The following VPS41 variants were observed in gnomAD, a reference collection of about 807,000 sequenced individuals.
The protein encoded by VPS41 is vacuolar protein sorting-associated protein 41 homolog.
In VPS41, 85 loss-of-function variants were observed where a neutral mutation model predicts 130.9. That is an observed-to-expected ratio of 0.65 (90% CI 0.55 to 0.78). The LOEUF is 0.78. VPS41 is among the 30% of genes least tolerant of loss of function. VPS41 has a pLI of 0.00. For missense variants in VPS41, 874 were observed against 1,018.7 expected, an observed-to-expected ratio of 0.86 and a Z score of 1.93; for synonymous variants, 335 against 332.9, an observed-to-expected ratio of 1.01 and a Z score of -0.07.
intron 14 of VPS41, among the ~76,000 whole-genome samples, chr7:38,770,543 C>T (rs1350893600): frequency 2.6e-5 from 4 of 151,690 alleles, no homozygotes; most frequent in Admixed American, 6.6e-5. Context: ...GAGAAGTTTA[C>T]GGTAGGGAAA....
At chr7:38,737,151 G>A (rs934895231) in intron 25 of VPS41, among the ~76,000 whole-genome samples, 10 of 152,092 alleles carry the variant, frequency 6.6e-5, no homozygotes, top group African/African-American at 1.4e-4. Flanking sequence ...CGAGGCAGGC[G>A]GATCATGAGG....
At chr7:38,771,657 C>T (rs531512652) in intron 13 of VPS41, among the ~76,000 whole-genome samples, 26 of 152,216 alleles carry the variant, frequency 1.7e-4, no homozygotes, top group African/African-American at 5.8e-4. Flanking sequence ...GGAGCATTTT[C>T]CCTTATGTTT....
intron 14 of VPS41, among the ~76,000 whole-genome samples, chr7:38,770,414 C>T (rs1378593633): frequency 2.0e-5 from 3 of 151,242 alleles, no homozygotes; most frequent in African/African-American, 7.4e-5. Flanking sequence ...TTATTCTCCA[C>T]AATTTTGGCT....
chr7:38,813,384 T>A (rs1784981310), intron 7 of VPS41, among the ~76,000 whole-genome samples: 1 of 151,832 alleles, frequency 6.6e-6, no homozygotes, highest in South Asian at 2.1e-4. Flanking sequence ...AGATGGGGAG[T>A]GACTGCTAAT....
intron 4 of VPS41, among the ~76,000 whole-genome samples, chr7:38,860,437 T>A (rs1310490683): frequency 6.6e-6 from 1 of 152,024 alleles, no homozygotes; most frequent in East Asian, 1.9e-4. Context: ...TCTTCTGTGC[T>A]CCCTCCCAGG....
rs1038745310 is a variant in VPS41 at position 38,873,509 on chromosome 7, A to G, written c.61-4256T>C. ...CCACGGTAAACAACCCAGTGTTAAT[A>G]AAAAGCAAATCAATAATTTTTGTTA... On this transcript the variant is annotated intron_variant, in intron 2 of 28. Coordinates refer to ENST00000310301, the MANE Select transcript of VPS41 (RefSeq NM_014396.4). 3.9e-5 allele frequency among the ~76,000 whole-genome samples: 6 copies of G among 152,304 alleles called. 1 individual carries two copies. In the South Asian group the frequency reaches 1.2e-3, roughly 32 times the overall value.
At chr7:38,847,725 T>C (rs1404392515) in intron 4 of VPS41, among the ~76,000 whole-genome samples, 1 of 152,218 alleles carries the variant, frequency 6.6e-6, no homozygotes, top group African/African-American at 2.4e-5. Context: ...GTTCTCAATA[T>C]ACAAGTAAAT....
intron 4 of VPS41, among the ~76,000 whole-genome samples, chr7:38,842,623 A>C (rs1363473030): frequency 6.6e-6 from 1 of 152,186 alleles, no homozygotes; most frequent in Non-Finnish European, 1.5e-5. Context: ...GACCCAAAAG[A>C]TTCACAAGAT....
chr7:38,768,367 A>T (rs932509371), intron 14 of VPS41, among the ~76,000 whole-genome samples: 3 of 152,222 alleles, frequency 2.0e-5, no homozygotes, highest in African/African-American at 7.2e-5. Flanking sequence ...TACTTTATGT[A>T]CAAAAAGGTG....
intron 4 of VPS41, among the ~76,000 whole-genome samples, chr7:38,855,167 G>A (rs1016340813): frequency 3.8e-5 from 5 of 133,032 alleles, no homozygotes; most frequent in South Asian, 2.5e-4. Context: ...CTGAGATTGC[G>A]CCACTGCACT....
At chr7:38,744,171 A>G (rs1338820202) in intron 23 of VPS41, among the ~76,000 whole-genome samples, 2 of 152,164 alleles carry the variant, frequency 1.3e-5, no homozygotes, top group African/African-American at 2.4e-5. Flanking sequence ...CATGCCTTCT[A>G]TTGGCTAATT....
intron 6 of VPS41, 117 bp downstream of exon 6, chr7:38,821,086 T>A: frequency 1.3e-6 from 1 of 743,682 alleles, no homozygotes; most frequent in Non-Finnish European, 2.3e-6. Context: ...ATCTGAAGTG[T>A]TGAACAGACA....
intron 27 of VPS41, among the ~76,000 whole-genome samples, chr7:38,727,559 T>C (rs961395090): frequency 6.6e-6 from 1 of 152,188 alleles, no homozygotes; most frequent in African/African-American, 2.4e-5. Flanking sequence ...AGAGTGGGAA[T>C]GTATGTGGTT....
intron 4 of VPS41, among the ~76,000 whole-genome samples, chr7:38,834,121 C>T (rs200084940): frequency 1.4e-5 from 2 of 144,508 alleles, no homozygotes; most frequent in East Asian, 2.1e-4. Flanking sequence ...AAAAAAAAAA[C>T]TTTTTTAGCA....
chr7:38,749,022 A>C (rs911503602), intron 22 of VPS41, among the ~76,000 whole-genome samples: 6 of 152,176 alleles, frequency 3.9e-5, no homozygotes, highest in Non-Finnish European at 8.8e-5. Context: ...AATAATTTTT[A>C]TTATCTTTAA....
intron 25 of VPS41, among the ~76,000 whole-genome samples, chr7:38,731,450 T>C (rs1795660798): frequency 6.6e-6 from 1 of 152,196 alleles, no homozygotes; most frequent in African/African-American, 2.4e-5. Flanking sequence ...GTGTCTTTTT[T>C]ATAAAGACAC....
rs545180074 is a variant in VPS41 at position 38,793,091 on chromosome 7, T to C, written c.717+2374A>G. ...AAATGGTACCTACCCCAATCCCTTT[T>C]CCTATTATCCTGTTAAAATGTTCTC... On this transcript the variant is annotated intron_variant, in intron 9 of 28. Coordinates refer to ENST00000310301, the MANE Select transcript of VPS41 (RefSeq NM_014396.4). Among the ~76,000 whole-genome samples, 212 of 152,338 alleles carry C rather than the reference T, an allele frequency of 1.4e-3. 1 individual carries two copies. The highest frequency in any genetic ancestry group is 2.3e-3 in the Non-Finnish European group (155 of 68,032).
intron 17 of VPS41, among the ~76,000 whole-genome samples, chr7:38,758,797 C>T (rs1783857028): frequency 6.6e-6 from 1 of 152,196 alleles, no homozygotes; most frequent in African/African-American, 2.4e-5. Context: ...CACCGATCAC[C>T]AATGGCCCAG....
chr7:38,828,634 G>A (rs915410176), intron 5 of VPS41, among the ~76,000 whole-genome samples: 15 of 152,112 alleles, frequency 9.9e-5, no homozygotes, highest in Non-Finnish European at 1.8e-4. Flanking sequence ...TGGTAAGGGG[G>A]TAGCTTACAT....
Sources: gnomAD v4.1 joint callset for allele counts (sites outside exome capture counted in the v4.1 genomes callset) on GRCh38, gnomAD v4.1.1 for gene constraint, MANE v1.5 for transcripts, NCBI Gene and HGNC (gene_info 2026-07-23, HGNC 2026-07-21) for gene names.